PXDNL: variants seen among roughly 807,000 people sequenced by gnomAD.
PXDNL encodes probable oxidoreductase PXDNL.
In PXDNL, 145 loss-of-function variants were observed where a neutral mutation model predicts 150.8. The observed-to-expected ratio is 0.96, with a 90% CI of 0.84 to 1.10. The LOEUF (loss-of-function observed/expected upper bound fraction) is 1.10, where lower values mean the gene tolerates loss of function less well. Among genes scored for constraint, PXDNL ranks in the 50% least tolerant of loss-of-function variants. The pLI is 0.00. For missense variants in PXDNL, 2,087 were observed against 1,873.9 expected (o/e 1.11, Z -2.10); for synonymous variants, 757 against 725.7 (o/e 1.04, Z -0.69).
chr8:51,761,045 T>TG (rs1290111920), intron 1 of PXDNL, among the ~76,000 whole-genome samples: 2 of 138,112 alleles, frequency 1.4e-5, no homozygotes, highest in African/African-American at 5.2e-5. Flanking sequence ...TTTTTTTTTT[T>TG]TGTATTTTTA....
intron 17 of PXDNL, among the ~76,000 whole-genome samples, chr8:51,395,282 G>A (rs946286016): frequency 6.6e-6 from 1 of 152,182 alleles, no homozygotes; most frequent in Non-Finnish European, 1.5e-5. Flanking sequence ...AGCTCTCAGA[G>A]GACTGGGATG....
chr8:51,786,548 T>C (rs2037462561), intron 1 of PXDNL, among the ~76,000 whole-genome samples: 1 of 130,216 alleles, frequency 7.7e-6, no homozygotes, highest in Non-Finnish European at 1.6e-5. Context: ...CCCACCCCCA[T>C]GCCCACCTCT....
In PXDNL at chr8:51,371,994, A is replaced by G. The variant is rs1179204194; in HGVS notation, c.3780T>C (p.Asn1260=). Residue 1260 remains asparagine (N), a synonymous_variant, in exon 19 of 23, where the codon AAT becomes AAC. Transcript: ENST00000356297. The part of the protein sequence containing the change: ...QASLSRVLCD[N]GDSIQQVQAD... ...CCTGCACTTGCTGAATGCTGTCACC[A>G]TTGTCACAAAGCACCCGGCTCAGGG... 2 of 1,613,436 alleles carry G rather than the reference A, an allele frequency of 1.2e-6. No individual in the cohort carries two copies. Among genetic ancestry groups the G allele is most frequent in the African/African-American group, 2.7e-5 (2 of 74,854 alleles).
chr8:51,748,429 G>A (rs569329515), intron 1 of PXDNL, among the ~76,000 whole-genome samples: 16 of 152,274 alleles, frequency 1.1e-4, no homozygotes, highest in South Asian at 4.1e-4. Flanking sequence ...TGCTCCAGAC[G>A]GTGAGCAGCT....
rs1424603837 is a variant in PXDNL at position 51,380,111 on chromosome 8, AGAAT to A, written c.3558-5384_3558-5381del. 4.2e-5 allele frequency among the ~76,000 whole-genome samples: 6 copies of A among 143,996 alleles called. No individual in the cohort carries two copies. The South Asian group carries it at 9.3e-4, about 22-fold the overall frequency. 94.5% of individuals were successfully genotyped at this position (143,996 alleles called of 152,430 possible). On this transcript the variant is annotated intron_variant, in intron 17 of 22. Transcript: ENST00000356297. ...CCACACATAAAATACACTAACACTA[AGAAT>A]AGCTGACGAGCTAAAAAAAAAAAAA...
chr8:51,647,938 A>G (rs1201985168), intron 2 of PXDNL, among the ~76,000 whole-genome samples: 3 of 152,184 alleles, frequency 2.0e-5, no homozygotes, highest in African/African-American at 7.2e-5. Context: ...ATATCAAGAA[A>G]AGCACTGTAA....
chr8:51,694,898 T>C (rs995862621), intron 1 of PXDNL, among the ~76,000 whole-genome samples: 13 of 152,246 alleles, frequency 8.5e-5, no homozygotes, highest in Admixed American at 1.3e-4. Flanking sequence ...ATTTAAAGTA[T>C]ATTGTTAATG....
intron 1 of PXDNL, among the ~76,000 whole-genome samples, chr8:51,807,220 G>A (rs1410163476): frequency 6.6e-6 from 1 of 152,216 alleles, no homozygotes; most frequent in East Asian, 1.9e-4. Context: ...ACTTTTGCTT[G>A]GCTTCTGGGG....
intron 1 of PXDNL, among the ~76,000 whole-genome samples, chr8:51,742,935 T>A (rs1250480161): frequency 6.6e-6 from 1 of 152,148 alleles, no homozygotes; most frequent in African/African-American, 2.4e-5. Context: ...CTGTTGGTGA[T>A]CTATAATTTA....
At chr8:51,618,083 C>A (rs944085180) in intron 2 of PXDNL, among the ~76,000 whole-genome samples, 3 of 152,190 alleles carry the variant, frequency 2.0e-5, no homozygotes, top group Non-Finnish European at 4.4e-5. Context: ...AGTCATTGTG[C>A]AACAAAAATG....
At chr8:51,548,388 A>AAAT (rs1812409468) in intron 4 of PXDNL, among the ~76,000 whole-genome samples, 1 of 152,208 alleles carries the variant, frequency 6.6e-6, no homozygotes, top group Admixed American at 6.5e-5. Context: ...CCACATAGTT[A>AAAT]TCATGTTATC....
In PXDNL at chr8:51,323,814, G is replaced by T. The variant is rs370097895; in HGVS notation, c.4147-2917C>A. On this transcript the variant is annotated intron_variant, in intron 21 of 22. Transcript: ENST00000356297. ...GCCTGTAATCCCAGCTACTCGGGAG[G>T]CTGAGGCAGGATAATCATTTGAACC... Among the ~76,000 whole-genome samples, 382 of 152,088 alleles carry T rather than the reference G, an allele frequency of 2.5e-3. 6 individuals carry two copies. The highest frequency in any genetic ancestry group is 8.6e-3 in the African/African-American group (356 of 41,462).
At chr8:51,576,549 C>T (rs1016112230) in intron 3 of PXDNL, among the ~76,000 whole-genome samples, 1 of 151,790 alleles carries the variant, frequency 6.6e-6, no homozygotes, top group Non-Finnish European at 1.5e-5. Context: ...TATCATATGA[C>T]ATGCTTACAT....
intron 20 of PXDNL, among the ~76,000 whole-genome samples, chr8:51,343,216 G>A (rs1030932602): frequency 2.6e-4 from 39 of 152,164 alleles, no homozygotes; most frequent in African/African-American, 8.7e-4. Context: ...GAGAGGATAA[G>A]TGCAAGTAAA....
chr8:51,764,481 C>T (rs1221054338), intron 1 of PXDNL, among the ~76,000 whole-genome samples: 1 of 151,212 alleles, frequency 6.6e-6, no homozygotes, highest in East Asian at 1.9e-4. Flanking sequence ...GCAGCTCCAC[C>T]CTATAAGTGT....
chr8:51,751,681 C>T (rs1212996764), intron 1 of PXDNL, among the ~76,000 whole-genome samples: 2 of 152,194 alleles, frequency 1.3e-5, no homozygotes, highest in Non-Finnish European at 2.9e-5. Context: ...AGTGAACAAA[C>T]TATAAGAAGC....
intron 1 of PXDNL, among the ~76,000 whole-genome samples, chr8:51,802,870 T>C (rs1298396515): frequency 1.3e-5 from 2 of 152,234 alleles, no homozygotes; most frequent in African/African-American, 2.4e-5. Context: ...TGGTACCTAT[T>C]TGTTTTTGAT....
chr8:51,408,573 C>T lies in PXDNL; in HGVS notation c.3051G>A (p.Trp1017Ter), dbSNP rs1263924715. The part of the protein sequence containing the change: ...AELQHITYSH[W>*]LPKVLGDPGT... ...CAGGGTCCCCCAGGACCTTAGGCAG[C>T]CAGTGGCTGTAGGTGATGTGCTGCA... Residue 1017 changes from tryptophan to a stop codon, truncating the protein, a stop_gained, in exon 17 of 23, where the codon TGG (tryptophan) becomes TGA (stop). Transcript: ENST00000356297. LOFTEE classifies it high-confidence loss of function. 6 of 1,612,596 alleles carry T rather than the reference C, an allele frequency of 3.7e-6. No homozygotes were observed. The highest frequency in any genetic ancestry group is 5.1e-6 in the Non-Finnish European group (6 of 1,179,442).
rs75163142 is a variant in PXDNL, at chr8:51,619,396, G to A, written c.237-26698C>T. ...CCTGGAGAAAGGAACGCTGCATGAA[G>A]AGGCCAAGAAGAATCTGAGCAGACA... On this transcript the variant is annotated intron_variant, in intron 2 of 22. Coordinates refer to ENST00000356297, the MANE Select transcript of PXDNL (RefSeq NM_144651.5). Among the ~76,000 whole-genome samples the A allele has an allele frequency of 6.3e-3, 964 of 152,312 alleles. 19 individuals are homozygous for A. The highest frequency in any genetic ancestry group is 0.022 in the African/African-American group (927 of 41,574).
Sources: gnomAD v4.1 joint callset for allele counts (sites outside exome capture counted in the v4.1 genomes callset) on GRCh38, gnomAD v4.1.1 for gene constraint, MANE v1.5 for transcripts, NCBI Gene and HGNC (gene_info 2026-07-23, HGNC 2026-07-21) for gene names.